The following TDRP variants were observed in gnomAD, a reference collection of about 807,000 sequenced individuals.
TDRP encodes the protein testis development related protein.
In TDRP, 12 loss-of-function variants were observed where a neutral mutation model predicts 10.5. The observed-to-expected ratio is 1.15, with a 90% CI of 0.73 to 1.86. The LOEUF is 1.86. Ranked by LOEUF, TDRP falls within the 40% of genes most tolerant of loss-of-function variation. The pLI, the probability that TDRP is intolerant of heterozygous loss-of-function variation, is 0.00. For synonymous variants in TDRP, 139 were observed against 95.4 expected (o/e 1.46, Z -2.67); for missense variants, 353 against 229.2 (o/e 1.54, Z -3.49).
intron 1 of TDRP, among the ~76,000 whole-genome samples, chr8:514,812 A>C (rs564644893): frequency 1.8e-4 from 27 of 152,108 alleles, no homozygotes; most frequent in African/African-American, 5.8e-4. Flanking sequence ...GTGCCAGTTT[A>C]CCACCTCTCA....
chr8:499,163 T>C (rs911898547), intron 1 of TDRP, among the ~76,000 whole-genome samples: 3 of 152,178 alleles, frequency 2.0e-5, no homozygotes, highest in Non-Finnish European at 4.4e-5. Flanking sequence ...AGTGTTTCCA[T>C]TGAAATTATT....
Position 544,724 on chromosome 8 carries a change from C to G in TDRP, c.34G>C (p.Asp12His). ...WKLGRGRVLL[D>H]EPPEEEDGLR... Reference sequence around the variant, plus strand: ...CCGTCCTCCTCCTCGGGGGGCTCGTCCAGCAGCACTCGGCCCCGGCCCAGC... The same window carrying G: ...CCGTCCTCCTCCTCGGGGGGCTCGTGCAGCAGCACTCGGCCCCGGCCCAGC... The change falls in exon 1 of 3, where the codon GAC (aspartate) becomes CAC (histidine). Residue 12 changes from aspartate to histidine, a missense_variant. Asp to His is a moderately conservative substitution (Grantham distance 81). Coordinates refer to ENST00000324079, the MANE Select transcript of TDRP (RefSeq NM_001384899.1). 1 of 1,243,870 alleles carries G rather than the reference C, an allele frequency of 8.0e-7. No individual in the cohort carries two copies. The highest frequency in any genetic ancestry group is 1.0e-6 in the Non-Finnish European group (1 of 993,358). The allele number at this position is 1,243,870 out of a possible 1,614,324, so 77.1% of individuals were successfully genotyped here. A position where few individuals can be genotyped will look rare whatever the true frequency, so the allele number is the denominator to read the frequency against.
rs1289600897 is a variant in TDRP at position 493,246 on chromosome 8, A to AG, written c.213-503dup. On this transcript the variant is annotated intron_variant, in intron 2 of 2. Transcript: ENST00000324079. ...TAAAAAGGAAATGGTAGCAAGCGACAGCTAGGGAAGAAAGATCCTAAACTA... is the reference window on the plus strand; with the variant it reads ...TAAAAAGGAAATGGTAGCAAGCGACAGGCTAGGGAAGAAAGATCCTAAACTA... Among the ~76,000 whole-genome samples the AG allele has an allele frequency of 9.8e-5, 15 of 152,392 alleles. No individual in the cohort carries two copies. The East Asian group carries it at 2.9e-3, about 29-fold the overall frequency.
chr8:538,405 T>C (rs950644297), intron 1 of TDRP, among the ~76,000 whole-genome samples: 6 of 152,164 alleles, frequency 3.9e-5, no homozygotes, highest in Non-Finnish European at 8.8e-5. Context: ...TGTGTAGCCT[T>C]CCCGGTCCCT....
intron 1 of TDRP, among the ~76,000 whole-genome samples, chr8:539,186 G>A (rs1482358452): frequency 6.6e-6 from 1 of 152,198 alleles, no homozygotes; most frequent in African/African-American, 2.4e-5. Flanking sequence ...GGCATGTGCA[G>A]GTGGGTATGT....
intron 1 of TDRP, among the ~76,000 whole-genome samples, chr8:503,571 G>T (rs972411870): frequency 6.9e-5 from 10 of 145,332 alleles, no homozygotes; most frequent in Admixed American, 6.8e-5. Context: ...CATCAACACA[G>T]AATCCAAAGC....
intron 1 of TDRP, among the ~76,000 whole-genome samples, chr8:508,125 C>T (rs1033123820): frequency 3.3e-5 from 5 of 151,974 alleles, no homozygotes; most frequent in African/African-American, 7.3e-5. Context: ...AAGGAAGGTA[C>T]GACGGCAATG....
intron 1 of TDRP, among the ~76,000 whole-genome samples, chr8:522,236 C>T (rs1264832418): frequency 1.3e-5 from 2 of 152,194 alleles, no homozygotes; most frequent in Non-Finnish European, 2.9e-5. Flanking sequence ...CTGTCAGATG[C>T]AGATATAACC....
At chr8:506,977 G>C (rs1801482859) in intron 1 of TDRP, among the ~76,000 whole-genome samples, 3 of 152,184 alleles carry the variant, frequency 2.0e-5, no homozygotes, top group East Asian at 1.9e-4. Context: ...AATTATAAAG[G>C]AAAGAGGTTT....
intron 1 of TDRP, among the ~76,000 whole-genome samples, chr8:526,154 T>C (rs1338899502): frequency 2.0e-5 from 3 of 152,158 alleles, no homozygotes; most frequent in South Asian, 2.1e-4. Flanking sequence ...GTTGTAGCCA[T>C]GCCCAGCTTA....
intron 1 of TDRP, among the ~76,000 whole-genome samples, chr8:523,442 A>C (rs1801957667): frequency 6.6e-6 from 1 of 152,086 alleles, no homozygotes; most frequent in South Asian, 2.1e-4. Context: ...AAGAACTAAA[A>C]ATCAGCTTGG....
At chr8:506,529 G>A (rs1486002035) in intron 1 of TDRP, among the ~76,000 whole-genome samples, 3 of 152,206 alleles carry the variant, frequency 2.0e-5, no homozygotes, top group Admixed American at 2.0e-4. Flanking sequence ...CTCCCGGGAA[G>A]GAGGCGCTGC....
At chr8:530,999 G>A (rs953671769) in intron 1 of TDRP, among the ~76,000 whole-genome samples, 11 of 152,128 alleles carry the variant, frequency 7.2e-5, no homozygotes, top group African/African-American at 2.7e-4. Flanking sequence ...AAGTATGCCA[G>A]TTCCCAGTCA....
intron 1 of TDRP, among the ~76,000 whole-genome samples, chr8:536,036 C>T (rs1407780266): frequency 6.6e-6 from 1 of 152,192 alleles, no homozygotes; most frequent in African/African-American, 2.4e-5. Flanking sequence ...TAGCAAAAAT[C>T]AGTAAAAGTA....
chr8:512,198 G>C (rs1233612424), intron 1 of TDRP, among the ~76,000 whole-genome samples: 1 of 151,974 alleles, frequency 6.6e-6, no homozygotes, highest in Non-Finnish European at 1.5e-5. Flanking sequence ...GGCCACAGCA[G>C]GTGGATCACG....
Position 492,466 on chromosome 8 carries a change from C to T in TDRP, c.491G>A (p.Gly164Glu). ...CTGCCGTCGGATGCTCACCAGCCTC[C>T]CTGCCGCGCGCAGGCTCCACCTGGA... ...NSSRWSLRAA[G>E]RLVSIRRQSK... is the part of the protein sequence containing the mutation. Residue 164 changes from glycine to glutamate, a missense_variant, in exon 3 of 3, where the codon GGG becomes GAG. Transcript: ENST00000324079. 6 of 1,603,610 alleles carry T rather than the reference C, an allele frequency of 3.7e-6. No homozygotes were observed. The highest frequency in any genetic ancestry group is 5.1e-6 in the Non-Finnish European group (6 of 1,172,496).
At chr8:498,033 T>C (rs560915803) in intron 1 of TDRP, among the ~76,000 whole-genome samples, 1 of 152,192 alleles carries the variant, frequency 6.6e-6, no homozygotes, top group African/African-American at 2.4e-5. Context: ...CAAGCAGAAA[T>C]CTGCTGCAAG....
intron 1 of TDRP, among the ~76,000 whole-genome samples, chr8:506,249 T>C (rs779673490): frequency 6.6e-6 from 1 of 152,216 alleles, no homozygotes; most frequent in Non-Finnish European, 1.5e-5. Flanking sequence ...TATCTATTCA[T>C]GAAAATTCTT....
chr8:515,016 T>C (rs1801720341), intron 1 of TDRP, among the ~76,000 whole-genome samples: 1 of 152,212 alleles, frequency 6.6e-6, no homozygotes, highest in South Asian at 2.1e-4. Flanking sequence ...AGCTAATATG[T>C]ATGATTAAAT....
Sources: gnomAD v4.1 joint callset for allele counts (sites outside exome capture counted in the v4.1 genomes callset) on GRCh38, gnomAD v4.1.1 for gene constraint, MANE v1.5 for transcripts, NCBI Gene and HGNC (gene_info 2026-07-23, HGNC 2026-07-21) for gene names.